Variants in SNX25 observed in about 807,000 individuals in gnomAD.
The protein encoded by SNX25 is sorting nexin 25, also known as sorting nexin-25.
In SNX25, 62 loss-of-function variants were observed where a neutral mutation model predicts 113.7. The observed-to-expected ratio is 0.55, with a 90% CI of 0.44 to 0.67. SNX25 has a LOEUF of 0.67. SNX25 is among the 30% of genes least tolerant of loss of function. The pLI is 0.00. For missense variants in SNX25, 1,014 were observed against 1,161.0 expected (o/e 0.87, Z 1.84); for synonymous variants, 421 against 436.2 (o/e 0.97, Z 0.43).
At position 185,361,994 on chromosome 4, in the gene SNX25, G is replaced by A. The variant is rs1184134313; in HGVS notation, c.2722G>A (p.Asp908Asn). The change falls in exon 17 of 19, where the codon GAT becomes AAT. Residue 908 changes from aspartate to asparagine, a missense_variant. By Grantham distance (23) the Asp-to-Asn change is conservative (BLOSUM62 1). Transcript: ENST00000652585. Reference protein sequence around the residue: ...MLVYYINIFRDAFWPNGKLAP... With the variant: ...MLVYYINIFRNAFWPNGKLAP... The stretch of plus-strand genomic sequence containing the variant: ...GGTTTACTACATCAATATTTTCCGG[G>A]ATGCTTTTTGGCCAAATGGGAAGTT... The A allele has an allele frequency of 6.2e-7, 1 of 1,614,062 alleles. No individual in the cohort carries two copies. Among genetic ancestry groups the A allele is most frequent in the Non-Finnish European group, 8.5e-7 (1 of 1,179,980 alleles).
intron 18 of SNX25, 122 bp downstream of exon 18, chr4:185,362,833 TTGAC>T: frequency 1.8e-6 from 1 of 557,344 alleles, no homozygotes; most frequent in Non-Finnish European, 3.0e-6. Context: ...GTCATCTCCC[TTGAC>T]TTTTTTTTTT....
chr4:185,291,612 C>T (rs987436649), intron 6 of SNX25, among the ~76,000 whole-genome samples: 3 of 152,204 alleles, frequency 2.0e-5, no homozygotes, highest in African/African-American at 4.8e-5. Context: ...CTTCTGAATG[C>T]GCTGGGGGAG....
intron 10 of SNX25, among the ~76,000 whole-genome samples, chr4:185,338,903 A>C (rs1185372374): frequency 1.3e-5 from 2 of 152,212 alleles, no homozygotes; most frequent in East Asian, 3.8e-4. Flanking sequence ...AAGAAGTCTG[A>C]GTCCTCCAAC....
At position 185,245,311 on chromosome 4, in the gene SNX25, T is replaced by G. The variant is rs542119042; in HGVS notation, c.430-1983T>G. 1.4e-3 allele frequency among the ~76,000 whole-genome samples: 211 copies of G among 152,014 alleles called. 2 individuals carry two copies. Among genetic ancestry groups the G allele is most frequent in the Non-Finnish European group, 2.1e-4 (14 of 67,972 alleles). On this transcript the variant is annotated intron_variant, in intron 1 of 18. Coordinates refer to ENST00000652585, the MANE Select transcript of SNX25 (RefSeq NM_001378034.2). ...AGATAGTGGGGTTTTCATTCTATAG[T>G]CTCTCCTTTAAGAAAAAAAATGCCA...
intron 2 of SNX25, among the ~76,000 whole-genome samples, 186 bp downstream of exon 2, chr4:185,247,564 G>A (rs1025965132): frequency 1.3e-5 from 2 of 152,268 alleles, no homozygotes; most frequent in South Asian, 2.1e-4. Context: ...GGATTTACAC[G>A]TTTGTTGAGT....
chr4:185,339,553 G>A, intron 11 of SNX25, 43 bp downstream of exon 11: 1 of 1,581,764 alleles, frequency 6.3e-7, no homozygotes, highest in Non-Finnish European at 8.6e-7. Flanking sequence ...TTAAAAGTTT[G>A]ACTTTATTAA....
chr4:185,375,487 A>AAATATATATATATATATGTAT, the SNX25 span: 1 of 12,012 alleles, frequency 8.3e-5, no homozygotes, highest in Non-Finnish European at 1.5e-4. Flanking sequence ...AAAAAAAAAA[A>AAATATATATATATATATGTAT]ATATATATAT....
intron 1 of SNX25, among the ~76,000 whole-genome samples, chr4:185,219,028 TAC>T (rs1056413893): frequency 2.0e-5 from 3 of 152,176 alleles, no homozygotes; most frequent in African/African-American, 7.2e-5. Context: ...AATCTCAACT[TAC>T]ATTCTTCCAT....
In SNX25 at chr4:185,211,397, C is replaced by A. The variant is rs555928343; in HGVS notation, c.429+1142C>A. 1.9e-4 allele frequency among the ~76,000 whole-genome samples: 29 copies of A among 152,292 alleles called. No homozygotes were observed. The South Asian group carries it at 5.2e-3, about 27-fold the overall frequency. ...AAATTAGTAAAGTTGGTTTCTCTTA[C>A]AAAATCTCCACTTAGCCATCCGTTT... On this transcript the variant is annotated intron_variant, in intron 1 of 18. Coordinates refer to ENST00000652585, the MANE Select transcript of SNX25 (RefSeq NM_001378034.2).
intron 13 of SNX25, among the ~76,000 whole-genome samples, chr4:185,349,494 T>C (rs1376171388): frequency 6.6e-6 from 1 of 152,192 alleles, no homozygotes; most frequent in Non-Finnish European, 1.5e-5. Context: ...TCCATACCCT[T>C]TTTCATAATG....
At chr4:185,208,200 C>T (rs972274684), upstream of SNX25, among the ~76,000 whole-genome samples, 17 of 152,022 alleles carry the variant, frequency 1.1e-4, no homozygotes, top group South Asian at 6.2e-4. Context: ...CCTCCACCTC[C>T]GGGGTTCAAG....
chr4:185,296,874 C>T (rs761037040), intron 6 of SNX25, among the ~76,000 whole-genome samples: 2 of 152,218 alleles, frequency 1.3e-5, no homozygotes, highest in South Asian at 2.1e-4. Flanking sequence ...CTGATTACAT[C>T]AGCTGCCTGT....
intron 1 of SNX25, among the ~76,000 whole-genome samples, chr4:185,241,350 C>T (rs1452549559): frequency 4.0e-5 from 6 of 151,672 alleles, no homozygotes; most frequent in African/African-American, 4.8e-5. Context: ...TGGCGGCGCG[C>T]GCCTGCAATC....
intron 7 of SNX25, among the ~76,000 whole-genome samples, chr4:185,314,586 G>A (rs1313538958): frequency 2.6e-5 from 4 of 152,100 alleles, no homozygotes; most frequent in African/African-American, 2.4e-5. Context: ...GAGGCTGGGC[G>A]CAGTGGCTCA....
In SNX25 at chr4:185,264,596, T is replaced by C. The variant is rs1747789494; in HGVS notation, c.890T>C (p.Ile297Thr). 6.2e-7 allele frequency: 1 copy of C among 1,613,948 alleles called. No homozygotes were observed. The highest frequency in any genetic ancestry group is 2.2e-5 in the East Asian group (1 of 44,868). The change falls in exon 4 of 19, where the codon ATT (isoleucine) becomes ACT (threonine). Residue 297 changes from isoleucine to threonine, a missense_variant. Coordinates refer to ENST00000652585, the MANE Select transcript of SNX25 (RefSeq NM_001378034.2). ...SLSLRIMLAE[I>T]LTTKVLKPVV... ...AGCTTACGTATAATGCTTGCAGAAATTCTCACAACAAAAGGTAGACTTATA... is the reference window on the plus strand; with the variant it reads ...AGCTTACGTATAATGCTTGCAGAAACTCTCACAACAAAAGGTAGACTTATA...
chr4:185,376,684 A>G, the SNX25 span, among the ~76,000 whole-genome samples: 4 of 152,152 alleles, frequency 2.6e-5, no homozygotes, highest in Admixed American at 2.6e-4. Context: ...TTATACTAAA[A>G]CGACTCCCAT....
chr4:185,329,681 CAG>C (rs111361928), intron 9 of SNX25, among the ~76,000 whole-genome samples: 149 of 147,602 alleles, frequency 1.0e-3, no homozygotes, highest in Non-Finnish European at 1.1e-3. Context: ...AAGACAGACA[CAG>C]AGAGAGAGAG....
intron 2 of SNX25, among the ~76,000 whole-genome samples, chr4:185,251,362 C>T (rs777836967): frequency 2.6e-5 from 4 of 152,130 alleles, no homozygotes; most frequent in Admixed American, 6.5e-5. Flanking sequence ...TTTCATCTTG[C>T]AAAACTGAAA....
intron 18 of SNX25, among the ~76,000 whole-genome samples, chr4:185,362,968 G>A (rs557570883): frequency 2.7e-5 from 4 of 150,380 alleles, no homozygotes; most frequent in South Asian, 4.3e-4. Context: ...TCAGCCTCCC[G>A]AGTAGCTGGG....
Sources: gnomAD v4.1 joint callset for allele counts (sites outside exome capture counted in the v4.1 genomes callset) on GRCh38, gnomAD v4.1.1 for gene constraint, MANE v1.5 for transcripts, NCBI Gene and HGNC (gene_info 2026-07-23, HGNC 2026-07-21) for gene names.